Variants in NSD2 observed in about 807,000 individuals in gnomAD.
The protein encoded by NSD2 is nuclear receptor binding SET domain protein 2.
Under a neutral mutation model 139.0 loss-of-function variants are expected in NSD2, and 12 were observed. That is an observed-to-expected ratio of 0.09 (90% CI 0.06 to 0.14). The LOEUF is 0.14. Ranked by LOEUF, NSD2 falls within the 10% of genes least tolerant of loss-of-function variation. The probability of loss-of-function intolerance (pLI) is 1.00; values close to 1 mark genes in which losing one functional copy is unlikely to be tolerated. For synonymous variants in NSD2, 669 were observed against 648.7 expected (o/e 1.03, Z -0.48); for missense variants, 1,155 against 1,745.0 (o/e 0.66, Z 6.02).
intron 18 of NSD2, among the ~76,000 whole-genome samples, chr4:1,962,359 G>A (rs1371641063): frequency 1.3e-5 from 2 of 152,242 alleles, no homozygotes; most frequent in African/African-American, 4.8e-5. Context: ...GAGCTATAAA[G>A]TATGCTTTTG....
At chr4:1,883,041 C>T (rs1028688684) in intron 1 of NSD2, among the ~76,000 whole-genome samples, 1 of 151,976 alleles carries the variant, frequency 6.6e-6, no homozygotes, top group Non-Finnish European at 1.5e-5. Context: ...ACAGGCCTAG[C>T]TAGGAAGGCC....
At chr4:1,949,416 C>T (rs1723976135) in intron 9 of NSD2, among the ~76,000 whole-genome samples, 1 of 152,156 alleles carries the variant, frequency 6.6e-6, no homozygotes, top group South Asian at 2.1e-4. Context: ...AAGAGTGGCT[C>T]ACATCTGTCA....
At chr4:1,899,376 A>G (rs1209270098) in intron 1 of NSD2, 2 of 152,202 alleles carry the variant, frequency 1.3e-5, no homozygotes, top group East Asian at 3.9e-4. Flanking sequence ...AGCAGCATCC[A>G]TGACCGCAAC....
chr4:1,901,234 A>C lies in NSD2; in HGVS notation c.580A>C (p.Ser194Arg). Reference protein sequence around the residue: ...VEAALVSKISSPSDKKIPAKK... With the variant: ...VEAALVSKISRPSDKKIPAKK... ...AGCAGCTCTTGTGTCTAAGATCTCAAGTCCTTCAGATAAAAAGGTATTTAG... is the reference window on the plus strand; with the variant it reads ...AGCAGCTCTTGTGTCTAAGATCTCACGTCCTTCAGATAAAAAGGTATTTAG... Residue 194 changes from serine to arginine, a missense_variant, in exon 2 of 22, where the codon AGT becomes CGT. Physicochemically the swap from Ser to Arg is moderately radical, Grantham distance 110. Coordinates refer to ENST00000508803, the MANE Select transcript of NSD2 (RefSeq NM_001042424.3). 1.3e-6 allele frequency: 2 copies of C among 1,576,222 alleles called. No homozygotes were observed. Among genetic ancestry groups the C allele is most frequent in the South Asian group, 2.4e-5 (2 of 83,442 alleles).
Position 1,973,789 on chromosome 4 carries a change from C to G in NSD2, c.3373-1074C>G, listed in dbSNP as rs1726757606. ...ATCCCAGTGTTTATCCCTGTTCACA[C>G]ACGTGGTTTTGTTTGAACACGTGAC... On this transcript the variant is annotated intron_variant, in intron 18 of 21. Coordinates refer to ENST00000508803, the MANE Select transcript of NSD2 (RefSeq NM_001042424.3). The surrounding 1 kb of genome is among the most constrained non-coding windows in gnomAD (Gnocchi z 5.5). 6.6e-6 allele frequency among the ~76,000 whole-genome samples: 1 copy of G among 152,256 alleles called. No individual in the cohort carries two copies. The highest frequency in any genetic ancestry group is 2.1e-4 in the South Asian group (1 of 4,834).
At chr4:1,932,796 C>T (rs1206705598) in intron 6 of NSD2, among the ~76,000 whole-genome samples, 1 of 152,156 alleles carries the variant, frequency 6.6e-6, no homozygotes, top group African/African-American at 2.4e-5. Context: ...TTGCTTGTTT[C>T]TGTAAGAAGC....
intron 6 of NSD2, among the ~76,000 whole-genome samples, chr4:1,931,515 A>G (rs1441026602): frequency 6.6e-6 from 1 of 152,202 alleles, no homozygotes; most frequent in Non-Finnish European, 1.5e-5. Flanking sequence ...TAGGGTATCA[A>G]TTTAAAATTA....
At chr4:1,872,637 C>CGAGCGAGCGAGA (rs1375337847) in intron 1 of NSD2, among the ~76,000 whole-genome samples, 9 of 81,842 alleles carry the variant, frequency 1.1e-4, no homozygotes, top group African/African-American at 3.9e-4. Flanking sequence ...AGAGAGAGAG[C>CGAGCGAGCGAGA]GCGCAGACCC....
At chr4:1,918,094 T>C (rs751543597) in intron 4 of NSD2, 47 bp from the exon 5 acceptor site, 3 of 1,575,458 alleles carry the variant, frequency 1.9e-6, no homozygotes, top group Non-Finnish European at 2.6e-6. Flanking sequence ...TAGTTAACTT[T>C]TATGTTTGTG....
chr4:1,950,547 C>A (rs1188694951), intron 9 of NSD2, among the ~76,000 whole-genome samples: 2 of 152,218 alleles, frequency 1.3e-5, no homozygotes, highest in Non-Finnish European at 2.9e-5. Context: ...TGCACCCCCG[C>A]GTAGGCACAT....
In NSD2 at chr4:1,980,313, CCT is replaced by C. The variant is rs1023640681; in HGVS notation, c.*1405_*1406del. 3 of 233,024 alleles carry C rather than the reference CCT, an allele frequency of 1.3e-5. No individual in the cohort carries two copies. In the Admixed American group the frequency reaches 1.7e-4, roughly 13 times the overall value. The allele number at this position is 233,024 out of a possible 1,614,324, so 14.4% of individuals were successfully genotyped here. ...CTTGACCCTGGGAAGTCTGGAGCAC[CCT>C]GAGAAGGGGGCACCATGTGTGCCTT... On this transcript the variant is annotated 3_prime_UTR_variant, in exon 22 of 22. Transcript: ENST00000508803.
intron 5 of NSD2, among the ~76,000 whole-genome samples, chr4:1,920,090 T>G (rs1300802672): frequency 1.3e-5 from 2 of 152,190 alleles, no homozygotes; most frequent in Non-Finnish European, 2.9e-5. Context: ...ATAAATCTAC[T>G]GGACATGATT....
intron 17 of NSD2, among the ~76,000 whole-genome samples, 199 bp downstream of exon 17, chr4:1,959,939 C>G (rs1725203090): frequency 6.6e-6 from 1 of 152,144 alleles, no homozygotes; most frequent in Admixed American, 6.5e-5. Context: ...TAGTTCACTG[C>G]AGCCTCAGAA....
chr4:1,953,028 C>T (rs979117378), intron 11 of NSD2: 1 of 1,442,864 alleles, frequency 6.9e-7, no homozygotes. Context: ...TCATAGGAGC[C>T]CCTTCTTTCA....
In NSD2 at chr4:1,981,752, C is replaced by CT; in HGVS notation, c.*2845dup. ...TGCAGTGCCCATCTTCCAGGACTAC[C>CT]TTATTTTCCAGAATTAAACCTGTTT... is the stretch of plus-strand genomic sequence containing the variant. On this transcript the variant is annotated 3_prime_UTR_variant, in exon 22 of 22. Transcript: ENST00000508803. 2.5e-6 allele frequency: 1 copy of CT among 397,616 alleles called. No homozygotes were observed. The highest frequency in any genetic ancestry group is 2.1e-5 in the African/African-American group (1 of 48,734). The allele number at this position is 397,616 out of a possible 1,614,324, so 24.6% of individuals were successfully genotyped here. A position where few individuals can be genotyped will look rare whatever the true frequency, so the allele number is the denominator to read the frequency against.
At chr4:1,945,216 G>A (rs1464094993) in intron 9 of NSD2, 2 of 1,067,036 alleles carry the variant, frequency 1.9e-6, no homozygotes, top group Non-Finnish European at 2.3e-6. Context: ...CAGGGACTGG[G>A]GAACAAGACG....
At chr4:1,873,709 T>G (rs1439697449) in intron 1 of NSD2, among the ~76,000 whole-genome samples, 1 of 152,244 alleles carries the variant, frequency 6.6e-6, no homozygotes, top group Non-Finnish European at 1.5e-5. Context: ...GAACTTTTTT[T>G]GTTTGAAGAT....
intron 5 of NSD2, among the ~76,000 whole-genome samples, chr4:1,921,453 G>T (rs902857893): frequency 1.3e-5 from 2 of 149,332 alleles, no homozygotes; most frequent in African/African-American, 5.0e-5. Context: ...GCGAGACTCC[G>T]TCTCAAATTA....
chr4:1,917,101 T>A, intron 4 of NSD2, 64 bp downstream of exon 4: 1 of 1,430,036 alleles, frequency 7.0e-7, no homozygotes, highest in Non-Finnish European at 9.3e-7. Context: ...TTAAGTTAAC[T>A]TATTTTTGTT....
Sources: gnomAD v4.1 joint callset for allele counts (sites outside exome capture counted in the v4.1 genomes callset) on GRCh38, gnomAD v4.1.1 for gene constraint, Gnocchi (gnomAD v3.1) non-coding constraint, MANE v1.5 for transcripts, NCBI Gene and HGNC (gene_info 2026-07-23, HGNC 2026-07-21) for gene names.